The following PTAR1 variants were observed in gnomAD, a reference collection of about 807,000 sequenced individuals.
PTAR1 encodes the protein protein prenyltransferase alpha subunit repeat containing 1, also known as protein prenyltransferase alpha subunit repeat-containing protein 1.
A neutral mutation model predicts 45.5 loss-of-function variants in PTAR1; 17 were observed. The observed-to-expected ratio is 0.37, with a 90% CI of 0.26 to 0.56. The LOEUF is 0.56. Among genes scored for constraint, PTAR1 ranks in the 20% least tolerant of loss-of-function variants. The pLI is 0.77. For synonymous variants in PTAR1, 169 were observed against 171.3 expected (o/e 0.99, Z 0.11); for missense variants, 391 against 476.3 (o/e 0.82, Z 1.67).
rs141743995 is a variant in PTAR1, at chr9:69,748,822, T to C, written c.256+1959A>G. ...GGCAGAATACTCTTTTATTTTCAGA[T>C]ATCTTTTTCTGTCAAACCCAAAATT... On this transcript the variant is annotated intron_variant, in intron 2 of 7. Transcript: ENST00000340434. Among the ~76,000 whole-genome samples, 872 of 152,256 alleles carry C rather than the reference T, an allele frequency of 5.7e-3. 9 individuals carry two copies. The highest frequency in any genetic ancestry group is 0.018 in the African/African-American group (740 of 41,556).
intron 6 of PTAR1, among the ~76,000 whole-genome samples, chr9:69,723,033 T>C (rs1825096771): frequency 6.6e-6 from 1 of 151,856 alleles, no homozygotes; most frequent in South Asian, 2.1e-4. Context: ...AAACTTCTGA[T>C]TCTGTTTTAT....
At chr9:69,742,007 A>G in intron 2 of PTAR1, 149 bp from the exon 3 acceptor site, 1 of 599,700 alleles carries the variant, frequency 1.7e-6, no homozygotes, top group Non-Finnish European at 3.0e-6. Context: ...TCCCTCTTCT[A>G]AGCTGTCAAG....
chr9:69,732,570 A>G (rs1012300016), intron 4 of PTAR1, among the ~76,000 whole-genome samples: 1 of 151,726 alleles, frequency 6.6e-6, no homozygotes, highest in African/African-American at 2.4e-5. Flanking sequence ...ATGGATAAAC[A>G]GGAAAAAAAA....
At chr9:69,731,593 A>C (rs368844243) in intron 5 of PTAR1, among the ~76,000 whole-genome samples, 3 of 152,284 alleles carry the variant, frequency 2.0e-5, no homozygotes, top group East Asian at 3.9e-4. Context: ...AATAACCCTG[A>C]GTCAGTGGAA....
rs1360452179 is a variant in PTAR1, at chr9:69,715,535, T to C, written c.*2807A>G. ...AGTTACAGAGCTTAATGCTTTTTGC[T>C]TGTCAGTAGTATTCTTAATCCACAG... is the stretch of plus-strand genomic sequence containing the variant. On this transcript the variant is annotated 3_prime_UTR_variant, in exon 8 of 8. Transcript: ENST00000340434. 1.3e-5 allele frequency: 2 copies of C among 152,148 alleles called. No homozygotes were observed. The highest frequency in any genetic ancestry group is 2.9e-5 in the Non-Finnish European group (2 of 68,018). The allele number at this position is 152,148 out of a possible 1,614,324, so 9.4% of individuals were successfully genotyped here.
chr9:69,723,149 T>C (rs1825106925), intron 6 of PTAR1, among the ~76,000 whole-genome samples, 177 bp downstream of exon 6: 1 of 152,034 alleles, frequency 6.6e-6, no homozygotes, highest in Admixed American at 6.6e-5. Context: ...ATGATGATGA[T>C]GATGATGATG....
intron 3 of PTAR1, among the ~76,000 whole-genome samples, chr9:69,738,472 C>T (rs10746706): frequency 0.9 from 136,314 of 152,178 alleles, 61,567 homozygotes; most frequent in Middle Eastern, 0.96. Flanking sequence ...TTGTCTCTTA[C>T]TTATATATTC....
intron 1 of PTAR1, chr9:69,758,070 T>A (rs1826871803): frequency 6.6e-6 from 1 of 152,166 alleles, no homozygotes; most frequent in Non-Finnish European, 1.5e-5. Context: ...AATTATACAT[T>A]GAGGATATAT....
intron 3 of PTAR1, among the ~76,000 whole-genome samples, chr9:69,738,478 T>TATTC (rs1825892147): frequency 6.6e-6 from 1 of 152,196 alleles, no homozygotes; most frequent in Non-Finnish European, 1.5e-5. Flanking sequence ...CTTACTTATA[T>TATTC]ATTCATTCAT....
At chr9:69,751,735 A>AT (rs1351005983) in intron 1 of PTAR1, among the ~76,000 whole-genome samples, 3 of 152,026 alleles carry the variant, frequency 2.0e-5, no homozygotes, top group Non-Finnish European at 2.9e-5. Flanking sequence ...ATTTTGGGCC[A>AT]TTTTTTCTTC....
At chr9:69,723,300 A>G (rs1292352804) in intron 6 of PTAR1, 26 bp downstream of exon 6, 2 of 1,593,080 alleles carry the variant, frequency 1.3e-6, no homozygotes, top group Non-Finnish European at 1.7e-6. Flanking sequence ...AGTTTTGTGT[A>G]GGAAATAGAT....
At chr9:69,752,193 T>C (rs923403026) in intron 1 of PTAR1, among the ~76,000 whole-genome samples, 1 of 152,090 alleles carries the variant, frequency 6.6e-6, no homozygotes, top group African/African-American at 2.4e-5. Flanking sequence ...ACATTATGTA[T>C]TATGTCCCTG....
rs780613226 is a variant in PTAR1 at position 69,718,318 on chromosome 9, C to G, written c.*24G>C. On this transcript the variant is annotated 3_prime_UTR_variant, in exon 8 of 8. Transcript: ENST00000340434. The stretch of plus-strand genomic sequence containing the variant: ...AAGCAATATTGCACTAAAAGGGGAA[C>G]CTTGTAGGACTAATTCACCTCTTTC... 4 of 1,522,636 alleles carry G rather than the reference C, an allele frequency of 2.6e-6. No individual in the cohort carries two copies. The highest frequency in any genetic ancestry group is 2.0e-5 in the Admixed American group (1 of 50,840). The allele number at this position is 1,522,636 out of a possible 1,614,324, so 94.3% of individuals were successfully genotyped here. A position where few individuals can be genotyped will look rare whatever the true frequency, so the allele number is the denominator to read the frequency against.
intron 2 of PTAR1, among the ~76,000 whole-genome samples, chr9:69,748,570 A>G (rs1826381032): frequency 6.6e-6 from 1 of 152,108 alleles, no homozygotes; most frequent in Non-Finnish European, 1.5e-5. Flanking sequence ...TTTTAGGTGG[A>G]TGCCTAGGAT....
intron 6 of PTAR1, among the ~76,000 whole-genome samples, chr9:69,720,900 T>G (rs961346434): frequency 3.3e-5 from 5 of 152,204 alleles, no homozygotes; most frequent in African/African-American, 1.2e-4. Flanking sequence ...AAAATATTAC[T>G]GCGCATTGAC....
chr9:69,745,991 C>A (rs10119846), intron 2 of PTAR1, among the ~76,000 whole-genome samples: 136,311 of 152,232 alleles, frequency 0.9, 61,539 homozygotes, highest in Middle Eastern at 0.96. Flanking sequence ...TAAGAATCTT[C>A]GAATTTAAAA....
chr9:69,726,828 A>C (rs2134093399), intron 5 of PTAR1, among the ~76,000 whole-genome samples: 1 of 152,066 alleles, frequency 6.6e-6, no homozygotes, highest in African/African-American at 2.4e-5. Flanking sequence ...CGAGTTTGTA[A>C]GAGGTCTTTA....
chr9:69,731,722 T>C (rs1441870981), intron 5 of PTAR1, among the ~76,000 whole-genome samples: 2 of 152,102 alleles, frequency 1.3e-5, no homozygotes, highest in Non-Finnish European at 1.5e-5. Flanking sequence ...AGATTGTCTA[T>C]CCCTGCCCTC....
intron 4 of PTAR1, among the ~76,000 whole-genome samples, chr9:69,733,658 A>G (rs2134114565): frequency 6.6e-6 from 1 of 152,280 alleles, no homozygotes; most frequent in East Asian, 1.9e-4. Flanking sequence ...CATTCGCTTC[A>G]GCTGCCCTCA....
Sources: gnomAD v4.1 joint callset for allele counts (sites outside exome capture counted in the v4.1 genomes callset) on GRCh38, gnomAD v4.1.1 for gene constraint, MANE v1.5 for transcripts, NCBI Gene and HGNC (gene_info 2026-07-23, HGNC 2026-07-21) for gene names.